Variants in MCM10 observed in about 807,000 individuals in gnomAD.
MCM10 encodes protein MCM10 homolog.
MCM10 carries 91 observed loss-of-function variants against 109.9 expected under a neutral mutation model. The observed-to-expected ratio is 0.83, with a 90% CI of 0.70 to 0.99. MCM10 has a LOEUF of 0.99. Among genes scored for constraint, MCM10 ranks in the 50% least tolerant of loss-of-function variants. The pLI, the probability that MCM10 is intolerant of heterozygous loss-of-function variation, is 0.00. For missense variants in MCM10, 1,077 were observed against 1,061.2 expected, an observed-to-expected ratio of 1.01 and a Z score of -0.21; for synonymous variants, 380 against 387.2, an observed-to-expected ratio of 0.98 and a Z score of 0.22.
intron 6 of MCM10, 28 bp downstream of exon 6, chr10:13,175,709 G>A (rs1307682906): frequency 1.3e-6 from 2 of 1,523,572 alleles, no homozygotes; most frequent in East Asian, 2.3e-5. Context: ...CTATTCATGT[G>A]CGCCACGGCA....
intron 18 of MCM10, among the ~76,000 whole-genome samples, chr10:13,208,244 G>A (rs1834610382): frequency 6.6e-6 from 1 of 151,892 alleles, no homozygotes; most frequent in Non-Finnish European, 1.5e-5. Context: ...AATGAGCTGG[G>A]CATGGTGGTG....
chr10:13,190,901 A>G (rs1834339145), intron 10 of MCM10, among the ~76,000 whole-genome samples: 2 of 152,218 alleles, frequency 1.3e-5, no homozygotes, highest in Non-Finnish European at 2.9e-5. Flanking sequence ...ATTCATTTAA[A>G]CAATTCCCTG....
At chr10:13,206,229 C>T (rs1004140468) in intron 18 of MCM10, among the ~76,000 whole-genome samples, 1 of 152,126 alleles carries the variant, frequency 6.6e-6, no homozygotes, top group Admixed American at 6.5e-5. Flanking sequence ...CGTCTGTGCT[C>T]GCTATGTTCC....
rs377406135 is a variant in MCM10, at chr10:13,209,083, T to C, written c.2499-8T>C. The C allele has an allele frequency of 1.2e-6, 2 of 1,609,076 alleles. No homozygotes were observed. The highest frequency in any genetic ancestry group is 1.7e-6 in the Non-Finnish European group (2 of 1,175,356). ...CCCTGCTGAGTAAATCCATCTGTTCTGTTTCAGTAACTGTGGCCTCTACAA... is the reference window on the plus strand; with the variant it reads ...CCCTGCTGAGTAAATCCATCTGTTCCGTTTCAGTAACTGTGGCCTCTACAA... On this transcript the variant is annotated splice_polypyrimidine_tract_variant and splice_region_variant and intron_variant, in intron 18 of 19. Coordinates refer to ENST00000378714, the MANE Select transcript of MCM10 (RefSeq NM_018518.5).
chr10:13,206,068 C>T (rs978145745), intron 18 of MCM10, among the ~76,000 whole-genome samples: 2 of 152,224 alleles, frequency 1.3e-5, no homozygotes, highest in African/African-American at 4.8e-5. Context: ...GCACCATCCT[C>T]TGCCATTCTC....
At chr10:13,206,217 T>C (rs1232466214) in intron 18 of MCM10, among the ~76,000 whole-genome samples, 1 of 152,196 alleles carries the variant, frequency 6.6e-6, no homozygotes, top group African/African-American at 2.4e-5. Context: ...GTTTGTAGGA[T>C]GCGTCTGTGC....
At chr10:13,176,769 T>C (rs577255655) in intron 6 of MCM10, among the ~76,000 whole-genome samples, 31 of 152,288 alleles carry the variant, frequency 2.0e-4, no homozygotes, top group African/African-American at 7.5e-4. Flanking sequence ...GGTGTGCACC[T>C]GTAGTCCTAG....
At chr10:13,166,684 A>G (rs1174300303) in intron 2 of MCM10, among the ~76,000 whole-genome samples, 2 of 131,790 alleles carry the variant, frequency 1.5e-5, no homozygotes, top group Admixed American at 1.6e-4. Flanking sequence ...ATATATATAT[A>G]TATATCATCA....
At chr10:13,175,238 A>G (rs559402748) in intron 5 of MCM10, among the ~76,000 whole-genome samples, 1 of 152,282 alleles carries the variant, frequency 6.6e-6, no homozygotes, top group South Asian at 2.1e-4. Flanking sequence ...GTTTGAGACC[A>G]GCCTGGGCAA....
chr10:13,200,631 A>G (rs1834485327), intron 16 of MCM10, among the ~76,000 whole-genome samples: 1 of 152,154 alleles, frequency 6.6e-6, no homozygotes, highest in Admixed American at 6.5e-5. Flanking sequence ...GTGGAGCAGC[A>G]CTAATCCCAT....
At chr10:13,176,734 A>C (rs959701512) in intron 6 of MCM10, among the ~76,000 whole-genome samples, 1 of 152,150 alleles carries the variant, frequency 6.6e-6, no homozygotes, top group Non-Finnish European at 1.5e-5. Context: ...TCATCTCTAC[A>C]AAAAGTAAAT....
intron 16 of MCM10, 65 bp downstream of exon 16, chr10:13,198,872 T>C: frequency 2.9e-6 from 3 of 1,022,628 alleles, no homozygotes; most frequent in Non-Finnish European, 4.6e-6. Flanking sequence ...AGGTGCTAGC[T>C]GTAGGACCAA....
intron 9 of MCM10, among the ~76,000 whole-genome samples, chr10:13,187,480 C>A (rs115113239): frequency 1.5e-3 from 230 of 152,272 alleles, no homozygotes; most frequent in African/African-American, 5.3e-3. Flanking sequence ...TTTCCACTCC[C>A]TTGGGCATAT....
In MCM10 at chr10:13,192,132, G is replaced by A. The variant is rs139098036; in HGVS notation, c.1517-123G>A. On this transcript the variant is annotated intron_variant, in intron 11 of 19. Transcript: ENST00000378714. ...TAAGGATTCTTTTCTTTCCTCTTGG[G>A]ATTCCGTCTTCTTCGTTTACGTATG... is the stretch of plus-strand genomic sequence containing the variant. 12 of 622,020 alleles carry A rather than the reference G, an allele frequency of 1.9e-5. No homozygotes were observed. In the East Asian group the frequency reaches 2.8e-4, roughly 14 times the overall value. The allele number at this position is 622,020 out of a possible 1,614,324, so 38.5% of individuals were successfully genotyped here.
At position 13,193,743 on chromosome 10, in the gene MCM10, G is replaced by A. The variant is rs146358232; in HGVS notation, c.1745+1175G>A. Among the ~76,000 whole-genome samples the A allele has an allele frequency of 2.9e-3, 435 of 152,270 alleles. 4 individuals are homozygous for A. Among genetic ancestry groups the A allele is most frequent in the African/African-American group, 9.4e-3 (392 of 41,550 alleles). On this transcript the variant is annotated intron_variant, in intron 13 of 19. Coordinates refer to ENST00000378714, the MANE Select transcript of MCM10 (RefSeq NM_018518.5). ...CCTACAGATGACATAAATTATATAC[G>A]TGGACACAGAAATATGTATGGAGTT...
At position 13,175,546 on chromosome 10, in the gene MCM10, C is replaced by A. The variant is rs972437073; in HGVS notation, c.629C>A (p.Pro210His). 1.2e-6 allele frequency: 2 copies of A among 1,613,968 alleles called. No individual in the cohort carries two copies. Among genetic ancestry groups the A allele is most frequent in the Admixed American group, 1.7e-5 (1 of 60,004 alleles). Residue 210 changes from proline (P) to histidine (H), a missense_variant, in exon 6 of 20, where the codon CCC becomes CAC. Coordinates refer to ENST00000378714, the MANE Select transcript of MCM10 (RefSeq NM_018518.5). ...TCATCTTCAAGGATGACAAGTGCAC[C>A]CTCCCAACCCCTACAGACGATTTCT... ...KSSSSRMTSA[P>H]SQPLQTISRN...
chr10:13,179,926 T>C (rs562987000), intron 6 of MCM10, among the ~76,000 whole-genome samples: 1 of 152,294 alleles, frequency 6.6e-6, no homozygotes, highest in East Asian at 1.9e-4. Context: ...AAGCCCTAGA[T>C]CTATATCCAA....
rs1554773859 is a variant in MCM10, at chr10:13,166,687, T to TAG, written c.7+2479_7+2480insGA. Among the ~76,000 whole-genome samples the TAG allele has an allele frequency of 2.0e-3, 279 of 137,882 alleles. 1 individual carries two copies. The highest frequency in any genetic ancestry group is 7.0e-3 in the African/African-American group (252 of 35,814). The allele number at this position is 137,882 out of a possible 152,430, so 90.5% of individuals were successfully genotyped here. A position where few individuals can be genotyped will look rare whatever the true frequency, so the allele number is the denominator to read the frequency against. On this transcript the variant is annotated intron_variant, in intron 2 of 19. Coordinates refer to ENST00000378714, the MANE Select transcript of MCM10 (RefSeq NM_018518.5). ...ATATATATATATATATATATATATA[T>TAG]ATCATCAGCTAAGAGTAAAGAGTGG...
intron 11 of MCM10, among the ~76,000 whole-genome samples, chr10:13,191,879 A>G (rs1288002143): frequency 6.6e-6 from 1 of 151,774 alleles, no homozygotes; most frequent in Non-Finnish European, 1.5e-5. Context: ...GGTCTTGGTC[A>G]TAAAAACAAA....
Sources: gnomAD v4.1 joint callset for allele counts (sites outside exome capture counted in the v4.1 genomes callset) on GRCh38, gnomAD v4.1.1 for gene constraint, MANE v1.5 for transcripts, NCBI Gene and HGNC (gene_info 2026-07-23, HGNC 2026-07-21) for gene names.